Variants in DAB1 observed in about 807,000 individuals in gnomAD.
DAB1 encodes the protein DAB adaptor protein 1.
Under a neutral mutation model 64.6 loss-of-function variants are expected in DAB1, and 15 were observed. The observed-to-expected ratio is 0.23, with a 90% CI of 0.16 to 0.36. The LOEUF is 0.36. Ranked by LOEUF, DAB1 falls within the 10% of genes least tolerant of loss-of-function variation. The pLI is 1.00. For missense variants in DAB1, 596 were observed against 706.7 expected (o/e 0.84, Z 1.78); for synonymous variants, 235 against 251.9 (o/e 0.93, Z 0.64).
intron 9 of DAB1, among the ~76,000 whole-genome samples, chr1:57,056,172 A>G (rs1649733376): frequency 2.0e-5 from 3 of 152,046 alleles, no homozygotes; most frequent in Non-Finnish European, 1.5e-5. Context: ...ATTTTGAACC[A>G]TTAGAAAATA....
At chr1:57,983,125 G>A (rs538235773) in intron 5 of DAB1, among the ~76,000 whole-genome samples, 2 of 152,260 alleles carry the variant, frequency 1.3e-5, no homozygotes, top group South Asian at 4.2e-4. Context: ...CTTTAGGAAG[G>A]CAAAACACAG....
At chr1:57,220,727 G>T (rs767762582) in intron 2 of DAB1, among the ~76,000 whole-genome samples, 2 of 152,178 alleles carry the variant, frequency 1.3e-5, no homozygotes, top group African/African-American at 2.4e-5. Context: ...AGTTAGAATG[G>T]CGATCATTAA....
downstream of DAB1, among the ~76,000 whole-genome samples, chr1:57,821,279 C>A (rs1652106305): frequency 6.6e-6 from 1 of 151,998 alleles, no homozygotes; most frequent in South Asian, 2.1e-4. Flanking sequence ...AGAAGGTACA[C>A]TCAATAAGGA....
intron 3 of DAB1, among the ~76,000 whole-genome samples, chr1:58,394,278 C>G (rs1381702426): frequency 6.6e-6 from 1 of 152,138 alleles, no homozygotes; most frequent in Non-Finnish European, 1.5e-5. Context: ...ATGGAGAATG[C>G]TACAGAACTT....
At chr1:57,954,989 A>T (rs7413934) in intron 5 of DAB1, among the ~76,000 whole-genome samples, 58,517 of 152,156 alleles carry the variant, frequency 0.38, 12,788 homozygotes, top group Admixed American at 0.5. Context: ...AAACTTGGTG[A>T]GACCATGCCA....
At position 57,439,418 on chromosome 1, in the gene DAB1, G is replaced by GTTTTTTTTTTTTGTTTTTTTTTGTT; in HGVS notation, n.626-148253_626-148252insAACAAAAAAAAACAAAAAAAAAAAA. On this transcript the variant is annotated intron_variant and non_coding_transcript_variant, in intron 7 of 20. Coordinates refer to the DAB1 transcript ENST00000485760. ...GCCATGCCATCAACTTGGTGATGAG[G>GTTTTTTTTTTTTGTTTTTTTTTGTT]TTTTTTCTTTTTTTTTTTTTTTTTT... Among the ~76,000 whole-genome samples, 327 of 116,104 alleles carry GTTTTTTTTTTTTGTTTTTTTTTGTT rather than the reference G, an allele frequency of 2.8e-3. 26 individuals are homozygous for GTTTTTTTTTTTTGTTTTTTTTTGTT. Among genetic ancestry groups the GTTTTTTTTTTTTGTTTTTTTTTGTT allele is most frequent in the East Asian group, 0.028 (91 of 3,282 alleles). The allele number at this position is 116,104 out of a possible 152,430, so 76.2% of individuals were successfully genotyped here. A position where few individuals can be genotyped will look rare whatever the true frequency, so the allele number is the denominator to read the frequency against.
intron 4 of DAB1, among the ~76,000 whole-genome samples, chr1:58,301,233 GA>G (rs67542238): frequency 0.36 from 49,412 of 137,378 alleles, 9,473 homozygotes; most frequent in South Asian, 0.46. Flanking sequence ...TGGGGGTGGA[GA>G]GGGGGGGGTC....
intron 5 of DAB1, among the ~76,000 whole-genome samples, chr1:57,945,293 T>C (rs574273805): frequency 6.6e-6 from 1 of 152,174 alleles, no homozygotes; most frequent in African/African-American, 2.4e-5. Context: ...AAGGTCTCAC[T>C]CTGTTGCCCA....
At chr1:57,159,353 C>G (rs146367257) in intron 2 of DAB1, among the ~76,000 whole-genome samples, 1,551 of 152,258 alleles carry the variant, frequency 0.01, 34 homozygotes, top group African/African-American at 0.036. Context: ...TCTAGTTTCT[C>G]TGAGGAAAAG....
chr1:58,519,163 T>C (rs1296794242), intron 2 of DAB1, among the ~76,000 whole-genome samples: 1 of 152,138 alleles, frequency 6.6e-6, no homozygotes, highest in Non-Finnish European at 1.5e-5. Context: ...TTTTTAAAAG[T>C]CTCCACAATG....
At chr1:58,116,328 T>G (rs1326308258) in intron 5 of DAB1, among the ~76,000 whole-genome samples, 1 of 152,214 alleles carries the variant, frequency 6.6e-6, no homozygotes, top group Non-Finnish European at 1.5e-5. Context: ...CTGGACTTCT[T>G]CTTAGGTGAG....
chr1:57,369,177 G>A (rs1440668552), intron 1 of DAB1, among the ~76,000 whole-genome samples: 1 of 152,160 alleles, frequency 6.6e-6, no homozygotes, highest in Non-Finnish European at 1.5e-5. Context: ...ATCTCTCCAG[G>A]CCTAGGTCTT....
chr1:57,861,998 C>T (rs1359748282), intron 1 of DAB1, among the ~76,000 whole-genome samples: 1 of 152,086 alleles, frequency 6.6e-6, no homozygotes, highest in Non-Finnish European at 1.5e-5. Flanking sequence ...AGTTCAGCAA[C>T]TTCTATGGGT....
rs1309574574 is a variant in DAB1 at position 58,497,338 on chromosome 1, A to AAGAT, written n.257+8721_257+8722insATCT. On this transcript the variant is annotated intron_variant and non_coding_transcript_variant, in intron 3 of 20. Coordinates refer to the DAB1 transcript ENST00000485760. ...ATCCTAATTTAAACAGGCCAACTGTAACACTGCTGAGATACAGAAATCTGA... is the reference window on the plus strand; with the variant it reads ...ATCCTAATTTAAACAGGCCAACTGTAAGATACACTGCTGAGATACAGAAATCTGA... 6.6e-4 allele frequency among the ~76,000 whole-genome samples: 101 copies of AAGAT among 152,334 alleles called. 2 individuals carry two copies. In the East Asian group the frequency reaches 0.012, roughly 18 times the overall value.
intron 4 of DAB1, among the ~76,000 whole-genome samples, chr1:58,203,000 T>C (rs372321864): frequency 3.3e-5 from 5 of 152,152 alleles, no homozygotes; most frequent in African/African-American, 7.2e-5. Context: ...AATGGAGAAA[T>C]ACTTTTAGAG....
intron 1 of DAB1, among the ~76,000 whole-genome samples, chr1:57,411,226 A>G (rs1684083379): frequency 6.6e-6 from 1 of 152,210 alleles, no homozygotes; most frequent in African/African-American, 2.4e-5. Context: ...TTATTGACAT[A>G]GTATATTTGA....
rs967995605 is a variant in DAB1, at chr1:57,273,677, T to C, written c.67+17287A>G. Among the ~76,000 whole-genome samples the C allele has an allele frequency of 5.5e-5, 8 of 144,374 alleles. 1 individual carries two copies. Among genetic ancestry groups the C allele is most frequent in the African/African-American group, 7.7e-5 (3 of 39,168 alleles). 94.7% of individuals were successfully genotyped at this position (144,374 alleles called of 152,430 possible). A position where few individuals can be genotyped will look rare whatever the true frequency, so the allele number is the denominator to read the frequency against. On this transcript the variant is annotated intron_variant, in intron 2 of 14. Transcript: ENST00000371236. ...CTTCTCCACTCGAGTCAAACATGCA[T>C]TGTGGTCTGATGGCTCCCCTAGCCG...
At chr1:57,409,614 G>T (rs993320669) in intron 1 of DAB1, among the ~76,000 whole-genome samples, 1 of 152,148 alleles carries the variant, frequency 6.6e-6, no homozygotes, top group African/African-American at 2.4e-5. Flanking sequence ...TTCGAGACCA[G>T]CCTGGCCAAC....
chr1:57,094,740 G>A (rs140689408), intron 4 of DAB1, among the ~76,000 whole-genome samples: 1,765 of 152,266 alleles, frequency 0.012, 30 homozygotes, highest in Non-Finnish European at 0.017. Flanking sequence ...TCTTATCACT[G>A]TCCTATGCTC....
Sources: allele counts gnomAD v4.1 joint callset (sites outside exome capture counted in the v4.1 genomes callset), GRCh38; gene constraint gnomAD v4.1.1; transcripts MANE v1.5; gene names NCBI Gene and HGNC (gene_info 2026-07-23, HGNC 2026-07-21).